The following TET2 variants were observed in gnomAD, a reference collection of about 807,000 sequenced individuals.
TET2 encodes the protein methylcytosine dioxygenase TET2.
TET2 carries 299 observed loss-of-function variants against 142.9 expected under a neutral mutation model. The observed-to-expected ratio is 2.09, with a 90% CI of 1.90 to 2.30. TET2 has a LOEUF of 2.30. Among genes scored for constraint, TET2 ranks in the 30% most tolerant of loss-of-function variants. TET2 has a pLI of 0.00. For missense variants in TET2, 2,418 were observed against 2,378.0 expected (o/e 1.02, Z -0.35); for synonymous variants, 819 against 849.0 (o/e 0.96, Z 0.61).
chr4:105,158,433 G>T (rs1428847976), intron 1 of TET2, among the ~76,000 whole-genome samples: 1 of 152,114 alleles, frequency 6.6e-6, no homozygotes, highest in African/African-American at 2.4e-5. Context: ...AAGATATAAT[G>T]AATGTAGATG....
chr4:105,170,403 T>C lies in TET2; in HGVS notation c.-192-19957T>C, dbSNP rs569777442. Among the ~76,000 whole-genome samples, 10 of 152,304 alleles carry C rather than the reference T, an allele frequency of 6.6e-5. 1 individual carries two copies. The highest frequency in any genetic ancestry group is 5.9e-4 in the Admixed American group (9 of 15,296). Reference sequence around the variant, plus strand: ...TGAAGGCTGAGGCAGGAAGATTGCCTGAGTCTCAAAAGTTTGGGGTTGTAG... The same window carrying C: ...TGAAGGCTGAGGCAGGAAGATTGCCCGAGTCTCAAAAGTTTGGGGTTGTAG... On this transcript the variant is annotated intron_variant, in intron 1 of 10. Transcript: ENST00000380013.
chr4:105,186,828 G>A (rs182193393), intron 1 of TET2, among the ~76,000 whole-genome samples: 37 of 152,272 alleles, frequency 2.4e-4, no homozygotes, highest in Non-Finnish European at 3.7e-4. Flanking sequence ...ATATAAGCCT[G>A]TGAGTCATCA....
At chr4:105,194,749 T>G (rs1361644922) in intron 2 of TET2, among the ~76,000 whole-genome samples, 1 of 152,166 alleles carries the variant, frequency 6.6e-6, no homozygotes, top group African/African-American at 2.4e-5. Context: ...TTATCAGTTG[T>G]TTTTTATTCT....
At chr4:105,231,819 A>G (rs968614630) in intron 2 of TET2, among the ~76,000 whole-genome samples, 2 of 152,152 alleles carry the variant, frequency 1.3e-5, no homozygotes, top group South Asian at 4.1e-4. Flanking sequence ...TTTTAGTGCC[A>G]TTTCTTCTGG....
rs191703754 is a variant in TET2 at position 105,260,049 on chromosome 4, T to C, written c.3954+280T>C. ...GTTAAAACTAAATGAGAATTGGTGA[T>C]GTTTTTCATATTTTGACTCTGAATT... On this transcript the variant is annotated intron_variant, in intron 7 of 10. Coordinates refer to ENST00000380013, the MANE Select transcript of TET2 (RefSeq NM_001127208.3). Among the ~76,000 whole-genome samples the C allele has an allele frequency of 1.2e-3, 176 of 152,292 alleles. 1 individual carries two copies. Among genetic ancestry groups the C allele is most frequent in the African/African-American group, 3.8e-3 (160 of 41,564 alleles).
chr4:105,183,302 G>A (rs1325125164), intron 1 of TET2, among the ~76,000 whole-genome samples: 1 of 152,068 alleles, frequency 6.6e-6, no homozygotes, highest in Non-Finnish European at 1.5e-5. Flanking sequence ...AATAAGTATT[G>A]TGGCTATCAA....
At chr4:105,207,224 C>A (rs1278114669) in intron 2 of TET2, among the ~76,000 whole-genome samples, 1 of 152,104 alleles carries the variant, frequency 6.6e-6, no homozygotes, top group African/African-American at 2.4e-5. Context: ...GAAATTAAGA[C>A]AAAGATTTAC....
rs568157481 is a variant in TET2, at chr4:105,152,064, C to T, written c.-193+5085C>T. On this transcript the variant is annotated intron_variant, in intron 1 of 10. Coordinates refer to ENST00000380013, the MANE Select transcript of TET2 (RefSeq NM_001127208.3). ...AGGCCGAGGCAGGTGGATCACCTGA[C>T]GTCAGGAATTCGAGACCAGTCTGGC... Among the ~76,000 whole-genome samples, 19 of 151,850 alleles carry T rather than the reference C, an allele frequency of 1.3e-4. No homozygotes were observed. In the South Asian group the frequency reaches 2.5e-3, roughly 20 times the overall value.
At chr4:105,218,920 G>A (rs975667233) in intron 2 of TET2, among the ~76,000 whole-genome samples, 3 of 151,492 alleles carry the variant, frequency 2.0e-5, no homozygotes, top group African/African-American at 4.8e-5. Context: ...ATAATTTTAG[G>A]CGATCTTAAC....
intron 1 of TET2, among the ~76,000 whole-genome samples, chr4:105,162,796 A>C (rs1297360717): frequency 6.6e-6 from 1 of 152,196 alleles, no homozygotes; most frequent in African/African-American, 2.4e-5. Context: ...ATACTTCCCA[A>C]AATCACTGTT....
Position 105,270,764 on chromosome 4 carries a change from T to G in TET2, c.4182+1017T>G, listed in dbSNP as rs1313059873. Among the ~76,000 whole-genome samples, 3 of 152,114 alleles carry G rather than the reference T, an allele frequency of 2.0e-5. No homozygotes were observed. In the East Asian group the frequency reaches 5.8e-4, roughly 29 times the overall value. ...GTAAAGGGGTGACCCAGAGTAGAGA[T>G]AAAGAACAAAATATTCTGTTGAAAA... is the stretch of plus-strand genomic sequence containing the variant. On this transcript the variant is annotated intron_variant, in intron 9 of 10. Transcript: ENST00000380013.
At chr4:105,204,268 C>CACACAT (rs770649955) in intron 2 of TET2, among the ~76,000 whole-genome samples, 3 of 124,646 alleles carry the variant, frequency 2.4e-5, no homozygotes, top group Non-Finnish European at 3.6e-5. Flanking sequence ...CACACACACA[C>CACACAT]ATACATACAT....
chr4:105,226,099 TA>T (rs146417021), intron 2 of TET2, among the ~76,000 whole-genome samples: 18,347 of 151,222 alleles, frequency 0.12, 1,281 homozygotes, highest in Non-Finnish European at 0.16. Flanking sequence ...TCCTAAACCT[TA>T]AAAAAAAAGC....
At chr4:105,262,051 A>G (rs1730462241) in intron 8 of TET2, among the ~76,000 whole-genome samples, 1 of 152,150 alleles carries the variant, frequency 6.6e-6, no homozygotes. Flanking sequence ...TTAGCTGTAA[A>G]GACATGCGCT....
At chr4:105,244,115 T>C (rs1156318113) in intron 6 of TET2, among the ~76,000 whole-genome samples, 1 of 152,212 alleles carries the variant, frequency 6.6e-6, no homozygotes, top group African/African-American at 2.4e-5. Flanking sequence ...TAGTATGTAT[T>C]GACTCCACTT....
intron 2 of TET2, among the ~76,000 whole-genome samples, chr4:105,232,135 T>G (rs754530986): frequency 6.6e-5 from 10 of 152,168 alleles, no homozygotes; most frequent in Non-Finnish European, 1.0e-4. Context: ...TTCTGTTCCT[T>G]TGTTAGTTTG....
In TET2 at chr4:105,277,275, G is replaced by A. The variant is rs1413909430; in HGVS notation, c.*756G>A. 1 of 226,590 alleles carries A rather than the reference G, an allele frequency of 4.4e-6. No homozygotes were observed. Among genetic ancestry groups the A allele is most frequent in the Non-Finnish European group, 8.8e-6 (1 of 114,012 alleles). The allele number at this position is 226,590 out of a possible 1,614,324, so 14.0% of individuals were successfully genotyped here. On this transcript the variant is annotated 3_prime_UTR_variant, in exon 11 of 11. Coordinates refer to ENST00000380013, the MANE Select transcript of TET2 (RefSeq NM_001127208.3). The stretch of plus-strand genomic sequence containing the variant: ...CTTACACAAGCTTAGTTTTTAAAAT[G>A]TGGACATTTTAAAGGCCTCTGGATT...
At chr4:105,247,249 T>G (rs1258655271) in intron 6 of TET2, among the ~76,000 whole-genome samples, 1 of 152,238 alleles carries the variant, frequency 6.6e-6, no homozygotes, top group Non-Finnish European at 1.5e-5. Flanking sequence ...TCTTACCTGT[T>G]AACATTTCAG....
rs1439538147 is a variant in TET2 at position 105,234,533 on chromosome 4, T to C, written c.591T>C (p.Ile197=). 1.2e-6 allele frequency: 2 copies of C among 1,613,994 alleles called. No individual in the cohort carries two copies. Among genetic ancestry groups the C allele is most frequent in the African/African-American group, 1.3e-5 (1 of 74,918 alleles). Residue 197 remains isoleucine (I), a synonymous_variant, in exon 3 of 11, where the codon ATT becomes ATC. Coordinates refer to ENST00000380013, the MANE Select transcript of TET2 (RefSeq NM_001127208.3). ...GTGCTAATTACCATGACAAGAACAT[T>C]GTATTACTTAAAAACAAGGCAGTGC... ...GKSANYHDKN[I]VLLKNKAVLM...
Sources: gnomAD v4.1 joint callset for allele counts (sites outside exome capture counted in the v4.1 genomes callset) on GRCh38, gnomAD v4.1.1 for gene constraint, MANE v1.5 for transcripts, NCBI Gene and HGNC (gene_info 2026-07-23, HGNC 2026-07-21) for gene names.